Variants in LARS1 observed in about 807,000 individuals in gnomAD.
The protein encoded by LARS1 is leucyl-tRNA synthetase 1.
Under a neutral mutation model 162.8 loss-of-function variants are expected in LARS1, and 100 were observed. That is an observed-to-expected ratio of 0.61 (90% confidence interval 0.52 to 0.73). The LOEUF (loss-of-function observed/expected upper bound fraction) is 0.73. Among genes scored for constraint, LARS1 ranks in the 30% least tolerant of loss-of-function variants. The pLI is 0.00. For synonymous variants in LARS1, 457 were observed against 462.8 expected (o/e 0.99, Z 0.16); for missense variants, 1,258 against 1,408.9 (o/e 0.89, Z 1.71).
chr5:146,168,019 A>T, intron 5 of LARS1, 109 bp downstream of exon 5: 1 of 943,920 alleles, frequency 1.1e-6, no homozygotes, highest in Non-Finnish European at 1.5e-6. Context: ...CTTTAAAAAA[A>T]TGATCTAGTA....
In LARS1 at chr5:146,139,371, A is replaced by T. The variant is rs6865204; in HGVS notation, c.2148+833T>A. On this transcript the variant is annotated intron_variant, in intron 21 of 31. Coordinates refer to ENST00000394434, the MANE Select transcript of LARS1 (RefSeq NM_020117.11). ...AAAAAAAAAAAAAAAGAAAAAGAAA[A>T]AAAAAGGAAAAGAAAACTCTTCTGG... 6.3e-3 allele frequency among the ~76,000 whole-genome samples: 960 copies of T among 151,572 alleles called. 11 individuals are homozygous for T. The highest frequency in any genetic ancestry group is 0.022 in the African/African-American group (923 of 41,370).
At position 146,149,710 on chromosome 5, in the gene LARS1, G is replaced by A. The variant is rs1323792000; in HGVS notation, c.1426-11C>T. ...ATCCACCAACATGATCTAAAAGGAT[G>A]AGAGGGGAGAAAAACCACATATAAA... is the stretch of plus-strand genomic sequence containing the variant. On this transcript the variant is annotated splice_polypyrimidine_tract_variant and intron_variant, in intron 14 of 31. Coordinates refer to ENST00000394434, the MANE Select transcript of LARS1 (RefSeq NM_020117.11). 1 of 1,590,832 alleles carries A rather than the reference G, an allele frequency of 6.3e-7. No individual in the cohort carries two copies. Among genetic ancestry groups the A allele is most frequent in the African/African-American group, 1.3e-5 (1 of 74,484 alleles).
intron 10 of LARS1, among the ~76,000 whole-genome samples, chr5:146,155,232 A>T (rs1753468881): frequency 6.6e-6 from 1 of 152,198 alleles, no homozygotes; most frequent in Non-Finnish European, 1.5e-5. Context: ...TGTTTGTGAC[A>T]TTGTACTCCT....
chr5:146,135,647 G>C lies in LARS1; in HGVS notation c.2166C>G (p.Gly722=). 6.3e-7 allele frequency: 1 copy of C among 1,597,596 alleles called. No individual in the cohort carries two copies. The highest frequency in any genetic ancestry group is 8.5e-7 in the Non-Finnish European group (1 of 1,175,214). The change falls in exon 22 of 32, where the codon GGC becomes GGG. Residue 722 remains glycine, a synonymous_variant. Coordinates refer to ENST00000394434, the MANE Select transcript of LARS1 (RefSeq NM_020117.11). ...LNSEKMSKST[G]NFLTLTQAID... ...TAGCTTGGGTCAAAGTGAGGAAGTT[G>C]CCTGTGGATTTTGACATCTGAAATA...
chr5:146,129,481 G>A (rs913545649), intron 25 of LARS1, among the ~76,000 whole-genome samples: 10 of 152,044 alleles, frequency 6.6e-5, no homozygotes, highest in Admixed American at 2.0e-4. Context: ...ATTCAAGTAC[G>A]GTTATTTGGT....
intron 10 of LARS1, among the ~76,000 whole-genome samples, chr5:146,156,609 C>T (rs1204218070): frequency 6.6e-6 from 1 of 151,822 alleles, no homozygotes; most frequent in Non-Finnish European, 1.5e-5. Flanking sequence ...GCAGGAGAAT[C>T]GTTTGAACTC....
At chr5:146,119,097 G>A (rs1165792537) in intron 31 of LARS1, among the ~76,000 whole-genome samples, 2 of 152,012 alleles carry the variant, frequency 1.3e-5, no homozygotes, top group Admixed American at 6.6e-5. Flanking sequence ...ATAATCTCAC[G>A]TTCCTCTGTG....
intron 1 of LARS1, among the ~76,000 whole-genome samples, chr5:146,178,619 CAA>C (rs11453686): frequency 5.0e-5 from 7 of 141,042 alleles, no homozygotes; most frequent in African/African-American, 1.1e-4. Flanking sequence ...CATCCCCCAC[CAA>C]AAAAAAAAAA....
chr5:146,179,789 G>A, intron 1 of LARS1: 1 of 281,268 alleles, frequency 3.6e-6, no homozygotes, highest in Non-Finnish European at 7.6e-6. Context: ...TTTTTGTAGA[G>A]ACAGGGTTTC....
Position 146,132,680 on chromosome 5 carries a change from T to C in LARS1, c.2396+218A>G, listed in dbSNP as rs143108979. On this transcript the variant is annotated intron_variant, in intron 23 of 31. Coordinates refer to ENST00000394434, the MANE Select transcript of LARS1 (RefSeq NM_020117.11). Reference sequence around the variant, plus strand: ...TATTTATAAAATAGAGCTAATAATATCTGTATTAAATAAGGTTGCTTTGAG... The same window carrying C: ...TATTTATAAAATAGAGCTAATAATACCTGTATTAAATAAGGTTGCTTTGAG... 391 of 390,494 alleles carry C rather than the reference T, an allele frequency of 1.0e-3. 3 individuals are homozygous for C. Among genetic ancestry groups the C allele is most frequent in the African/African-American group, 7.6e-3 (366 of 48,314 alleles). 24.2% of individuals were successfully genotyped at this position (390,494 alleles called of 1,614,324 possible). A position where few individuals can be genotyped will look rare whatever the true frequency, so the allele number is the denominator to read the frequency against.
At chr5:146,176,330 T>C (rs1162181151) in intron 2 of LARS1, among the ~76,000 whole-genome samples, 1 of 151,390 alleles carries the variant, frequency 6.6e-6, no homozygotes, top group East Asian at 1.9e-4. Context: ...CACATGCCTG[T>C]AATCCCAGCT....
rs2400211 is a variant in LARS1 at position 146,144,950 on chromosome 5, C to T, written c.1504-241G>A. Among the ~76,000 whole-genome samples, 33,896 of 151,778 alleles carry T rather than the reference C, an allele frequency of 0.22. 4,852 individuals carry two copies. Among genetic ancestry groups the T allele is most frequent in the Admixed American group, 0.34 (5,122 of 15,236 alleles). ...CACTTTCTCTAGCTACTGATTATTT[C>T]ATTTCAGTGAAAATTAAAAAGTGAA... On this transcript the variant is annotated intron_variant, in intron 15 of 31. Coordinates refer to ENST00000394434, the MANE Select transcript of LARS1 (RefSeq NM_020117.11).
At chr5:146,115,581 CAAAAAAAAAA>C (rs58644900) in intron 31 of LARS1, among the ~76,000 whole-genome samples, 2 of 20,614 alleles carry the variant, frequency 9.7e-5, no homozygotes, top group East Asian at 3.0e-3. Flanking sequence ...AGCGCCTGAC[CAAAAAAAAAA>C]AAAAAAAAAA....
chr5:146,116,391 A>C (rs1010190356), intron 31 of LARS1, among the ~76,000 whole-genome samples: 1 of 152,168 alleles, frequency 6.6e-6, no homozygotes. Flanking sequence ...CTCTGTCTAA[A>C]ACAGACCTCC....
chr5:146,182,482 A>G lies in LARS1; in HGVS notation c.6+6T>C. 1 of 1,613,504 alleles carries G rather than the reference A, an allele frequency of 6.2e-7. No homozygotes were observed. The highest frequency in any genetic ancestry group is 8.5e-7 in the Non-Finnish European group (1 of 1,179,768). On this transcript the variant is annotated splice_donor_region_variant and intron_variant, in intron 1 of 31. Transcript: ENST00000394434. ...GCCCCTGCGGATTCTTCTCGCTCAA[A>G]CTCACCGCCATTGCACCGCCCAGCC... is the stretch of plus-strand genomic sequence containing the variant.
In LARS1 at chr5:146,139,040, G is replaced by GAAAAA. The variant is rs371218055; in HGVS notation, c.2148+1159_2148+1163dup. On this transcript the variant is annotated intron_variant, in intron 21 of 31. Transcript: ENST00000394434. ...GAAAAGTCAATAAAAGTGGATTTGT[G>GAAAAA]AAAAAAAAAAAAAAAAAAATGGCCG... is the stretch of plus-strand genomic sequence containing the variant. The GAAAAA allele has an allele frequency of 1.6e-3, 332 of 205,090 alleles. 1 individual carries two copies. The highest frequency in any genetic ancestry group is 2.4e-3 in the South Asian group (40 of 16,890). 12.7% of individuals were successfully genotyped at this position (205,090 alleles called of 1,614,324 possible).
chr5:146,118,057 T>TA (rs1751650261), intron 31 of LARS1, among the ~76,000 whole-genome samples: 1 of 152,218 alleles, frequency 6.6e-6, no homozygotes, highest in South Asian at 2.1e-4. Flanking sequence ...GTTGAAGAGA[T>TA]ATCTGTACTC....
In LARS1 at chr5:146,152,903, C is replaced by A. The variant is rs981442869; in HGVS notation, c.1284+271G>T. 4.6e-5 allele frequency among the ~76,000 whole-genome samples: 7 copies of A among 152,172 alleles called. No homozygotes were observed. The South Asian group carries it at 1.5e-3, about 32-fold the overall frequency. On this transcript the variant is annotated intron_variant, in intron 13 of 31. Coordinates refer to ENST00000394434, the MANE Select transcript of LARS1 (RefSeq NM_020117.11). ...TATCTTTAGAAGCCAGGAAATTGAT[C>A]ACACTAGCAAAGCAAGCTACTATAA...
intron 30 of LARS1, among the ~76,000 whole-genome samples, chr5:146,121,027 C>G (rs768374906): frequency 6.6e-6 from 1 of 152,040 alleles, no homozygotes; most frequent in Non-Finnish European, 1.5e-5. Flanking sequence ...TCAAATGAGT[C>G]TTGTGAAAGA....
Sources: allele counts gnomAD v4.1 joint callset (sites outside exome capture counted in the v4.1 genomes callset), GRCh38; gene constraint gnomAD v4.1.1; transcripts MANE v1.5; gene names NCBI Gene and HGNC (gene_info 2026-07-23, HGNC 2026-07-21).